CHD5: variants seen among roughly 807,000 people sequenced by gnomAD.
CHD5 encodes ATP-dependent chromatin remodeler CHD5.
A neutral mutation model predicts 230.3 loss-of-function variants in CHD5; 69 were observed. That is an observed-to-expected ratio of 0.30 (90% CI 0.25 to 0.37). The LOEUF is 0.37. CHD5 is among the 10% of genes least tolerant of loss of function. The pLI is 1.00. For synonymous variants in CHD5, 1,064 were observed against 1,065.9 expected, an observed-to-expected ratio of 1.00 and a Z score of 0.03; for missense variants, 1,827 against 2,622.8, an observed-to-expected ratio of 0.70 and a Z score of 6.63.
At chr1:6,158,814 C>T (rs1032116506) in intron 3 of CHD5, among the ~76,000 whole-genome samples, 4 of 151,340 alleles carry the variant, frequency 2.6e-5, no homozygotes, top group South Asian at 4.2e-4. Flanking sequence ...GAGACCATCC[C>T]GGCTAAAACG....
At chr1:6,118,074 C>A (rs1275360818) in intron 33 of CHD5, among the ~76,000 whole-genome samples, 1 of 152,042 alleles carries the variant, frequency 6.6e-6, no homozygotes, top group South Asian at 2.1e-4. Context: ...TAGATCCATA[C>A]AATGGAATAT....
chr1:6,135,687 G>A (rs1347694822), intron 17 of CHD5, among the ~76,000 whole-genome samples: 1 of 152,148 alleles, frequency 6.6e-6, no homozygotes. Context: ...ATGAGTGCCC[G>A]AGTTGATACA....
chr1:6,126,051 T>C lies in CHD5; in HGVS notation c.4079-193A>G, dbSNP rs1666551305. Among the ~76,000 whole-genome samples, 1 of 152,126 alleles carries C rather than the reference T, an allele frequency of 6.6e-6. No individual in the cohort carries two copies. Among genetic ancestry groups the C allele is most frequent in the Admixed American group, 6.6e-5 (1 of 15,266 alleles). ...ACCACGTTATACACTAAGGGTACCA[T>C]GTGTACCCACACATTACACATACTG... On this transcript the variant is annotated intron_variant, in intron 26 of 41. Transcript: ENST00000262450. The surrounding 1 kb of genome is among the most constrained non-coding windows in gnomAD (Gnocchi z 5.7).
At position 6,111,820 on chromosome 1, in the gene CHD5, A is replaced by C. The variant is rs775681121; in HGVS notation, c.5204T>G (p.Ile1735Ser). The C allele has an allele frequency of 2.5e-6, 4 of 1,613,536 alleles. No individual in the cohort carries two copies. The highest frequency in any genetic ancestry group is 2.7e-5 in the African/African-American group (2 of 75,030). The change falls in exon 36 of 42, where the codon ATC becomes AGC. Residue 1735 changes from isoleucine (I) to serine (S), a missense_variant. Physicochemically the swap from Ile to Ser is moderately radical, Grantham distance 142. Around this residue, in one of 14 missense-constraint regions of CHD5, gnomAD observed 272 missense variants for 263.2 expected, o/e 1.03. Transcript: ENST00000262450. ...AAVSSGKIYD[I>S]WHRRHDYWLL... ...CCAGTAGTCATGGCGCCGGTGCCAG[A>C]TGTCGTAGATTTTCCCAGAGGATAC... is the stretch of plus-strand genomic sequence containing the variant.
At chr1:6,166,212 C>T (rs142908204) in intron 2 of CHD5, among the ~76,000 whole-genome samples, 56 of 146,642 alleles carry the variant, frequency 3.8e-4, no homozygotes, top group Admixed American at 7.6e-4. Context: ...CACACAGTCA[C>T]ATGCACACAC....
At chr1:6,160,529 C>T (rs185918536) in intron 2 of CHD5, among the ~76,000 whole-genome samples, 249 of 152,252 alleles carry the variant, frequency 1.6e-3, no homozygotes, top group Middle Eastern at 0.01. Flanking sequence ...AGGGAAGGGC[C>T]GCTGCATCTC....
chr1:6,164,196 C>T (rs1300859932), intron 2 of CHD5, among the ~76,000 whole-genome samples: 2 of 152,254 alleles, frequency 1.3e-5, no homozygotes, highest in Non-Finnish European at 2.9e-5. Context: ...ATGCTCCGCA[C>T]ACGCACCGCA....
rs376935395 is a variant in CHD5 at position 6,132,937 on chromosome 1, C to T, written c.3145-1189G>A. ...AGAGACAGGGTCTTGCTCTGTCACT[C>T]AGACTGGAGTGAAGTGACAAGATCA... is the stretch of plus-strand genomic sequence containing the variant. On this transcript the variant is annotated intron_variant, in intron 20 of 41. Transcript: ENST00000262450. Among the ~76,000 whole-genome samples, 12 of 151,832 alleles carry T rather than the reference C, an allele frequency of 7.9e-5. 1 individual carries two copies. In the East Asian group the frequency reaches 1.9e-3, roughly 25 times the overall value.
At chr1:6,144,707 G>T (rs1666882793) in intron 11 of CHD5, among the ~76,000 whole-genome samples, 1 of 152,192 alleles carries the variant, frequency 6.6e-6, no homozygotes, top group Non-Finnish European at 1.5e-5. Flanking sequence ...CACTGGGAGG[G>T]TCTTTAGGGC....
Position 6,168,199 on chromosome 1 carries a change from G to A in CHD5, c.158C>T (p.Pro53Leu), listed in dbSNP as rs867679567. ...ACACTTGTTTTCCTTGAGCTTCTTG[G>A]GTTTCTTCTTCTTAGGAAGGCTCAC... ...EPVSLPKKKK[P>L]KKLKENKCKG... The change falls in exon 2 of 42, where the codon CCC (proline) becomes CTC (leucine). Residue 53 changes from proline to leucine, a missense_variant. Around this residue, in one of 14 missense-constraint regions of CHD5, gnomAD observed 113 missense variants for 91.9 expected, o/e 1.23. Transcript: ENST00000262450. 2.5e-6 allele frequency: 4 copies of A among 1,612,160 alleles called. No homozygotes were observed. Among genetic ancestry groups the A allele is most frequent in the Admixed American group, 1.7e-5 (1 of 59,932 alleles).
At chr1:6,175,367 C>CAG in intron 1 of CHD5, among the ~76,000 whole-genome samples, 1 of 87,298 alleles carries the variant, frequency 1.1e-5, no homozygotes, top group East Asian at 4.7e-4. Context: ...TGGATGGATG[C>CAG]ATGGATGGAT....
rs368038480 is a variant in CHD5, at chr1:6,144,127, G to A, written c.1831C>T (p.Leu611=). ...SFDKKGDVHY[L]IKWKDLPYDQ... is the part of the protein sequence containing the mutation. Reference sequence around the variant, plus strand: ...TAGGGCAGGTCTTTCCACTTGATCAGGTAGTGCACATCCCCCTTCTTGTCA... The same window carrying A: ...TAGGGCAGGTCTTTCCACTTGATCAAGTAGTGCACATCCCCCTTCTTGTCA... Residue 611 remains leucine (L), a synonymous_variant, in exon 12 of 42, where the codon CTG becomes TTG. Transcript: ENST00000262450. 29 of 1,614,068 alleles carry A rather than the reference G, an allele frequency of 1.8e-5. No individual in the cohort carries two copies. The highest frequency in any genetic ancestry group is 2.5e-5 in the Non-Finnish European group (29 of 1,180,038).
In CHD5 at chr1:6,111,709, G is replaced by A. The variant is rs369897464; in HGVS notation, c.5249+66C>T. 24 of 1,274,414 alleles carry A rather than the reference G, an allele frequency of 1.9e-5. No homozygotes were observed. The East Asian group carries it at 4.9e-4, about 26-fold the overall frequency. The allele number at this position is 1,274,414 out of a possible 1,614,324, so 78.9% of individuals were successfully genotyped here. ...GAAGGCTTCCCCCGGAGCTCTCAGAGGGCTCTCCCCGAGGTCCACGGAGGA... is the reference window on the plus strand; with the variant it reads ...GAAGGCTTCCCCCGGAGCTCTCAGAAGGCTCTCCCCGAGGTCCACGGAGGA... On this transcript the variant is annotated intron_variant, in intron 36 of 41. Transcript: ENST00000262450.
At chr1:6,112,058 T>C (rs1037480234) in intron 35 of CHD5, 82 bp downstream of exon 35, 2 of 1,509,648 alleles carry the variant, frequency 1.3e-6, no homozygotes, top group Non-Finnish European at 1.8e-6. Flanking sequence ...CACACTCTAG[T>C]ATAAAGTTAA....
In CHD5 at chr1:6,155,688, G is replaced by A. The variant is rs373063733; in HGVS notation, c.417C>T (p.Ala139=). ...AGTCCACGTCGTCCAGGCCCCACTC[G>A]GCCATGAGCTGCCCCGAGGACTTGG... The part of the protein sequence containing the change: ...KEPKSSGQLM[A]EWGLDDVDYL... Residue 139 remains alanine, a synonymous_variant, in exon 4 of 42, where the codon GCC becomes GCT. Transcript: ENST00000262450. The surrounding 1 kb of genome is among the most constrained non-coding windows in gnomAD (Gnocchi z 4.0). 3.2e-5 allele frequency: 51 copies of A among 1,613,794 alleles called. 2 individuals carry two copies. In the Middle Eastern group the frequency reaches 4.9e-4, roughly 16 times the overall value.
intron 33 of CHD5, among the ~76,000 whole-genome samples, chr1:6,116,791 A>G (rs1666384452): frequency 6.6e-6 from 1 of 152,288 alleles, no homozygotes; most frequent in Admixed American, 6.5e-5. Flanking sequence ...AAGCACCATT[A>G]AAGGTGTACT....
chr1:6,145,358 C>T (rs1666894413), intron 11 of CHD5, among the ~76,000 whole-genome samples: 2 of 152,218 alleles, frequency 1.3e-5, no homozygotes, highest in East Asian at 1.9e-4. Flanking sequence ...CAGAGGCCAC[C>T]GATCCTAAGC....
In CHD5 at chr1:6,121,025, AGCCACCTGCCCTTCTCTGAACCC is replaced by A; in HGVS notation, c.4912+57_4912+79del. 1 of 1,425,866 alleles carries A rather than the reference AGCCACCTGCCCTTCTCTGAACCC, an allele frequency of 7.0e-7. No homozygotes were observed. The allele number at this position is 1,425,866 out of a possible 1,614,324, so 88.3% of individuals were successfully genotyped here. ...GCCAGGGAGAAATGAGCGGAAGTAC[AGCCACCTGCCCTTCTCTGAACCC>A]AGGCCTGCTGAGGCCAGACATGGCA... is the stretch of plus-strand genomic sequence containing the variant. On this transcript the variant is annotated intron_variant, in intron 33 of 41. Coordinates refer to ENST00000262450, the MANE Select transcript of CHD5 (RefSeq NM_015557.3). This position sits in a 1 kb window ranked among gnomAD's most constrained non-coding sequence, Gnocchi z 4.5.
Position 6,125,943 on chromosome 1 carries a change from G to A in CHD5, c.4079-85C>T, listed in dbSNP as rs953468243. On this transcript the variant is annotated intron_variant, in intron 26 of 41. Transcript: ENST00000262450. The surrounding 1 kb of genome is among the most constrained non-coding windows in gnomAD (Gnocchi z 6.7). The stretch of plus-strand genomic sequence containing the variant: ...GTTCAAGCATGCCCAGGGCCACGCC[G>A]AGCCCCTGCACCCCAGCTCCATAAA... 25 of 962,900 alleles carry A rather than the reference G, an allele frequency of 2.6e-5. No homozygotes were observed. Among genetic ancestry groups the A allele is most frequent in the Middle Eastern group, 2.1e-4 (1 of 4,706 alleles). 59.6% of individuals were successfully genotyped at this position (962,900 alleles called of 1,614,324 possible). A position where few individuals can be genotyped will look rare whatever the true frequency, so the allele number is the denominator to read the frequency against.
Sources: gnomAD v4.1 joint callset for allele counts (sites outside exome capture counted in the v4.1 genomes callset) on GRCh38, gnomAD v4.1.1 for gene constraint, gnomAD v4.1.1 regional missense constraint, Gnocchi (gnomAD v3.1) non-coding constraint, MANE v1.5 for transcripts, NCBI Gene and HGNC (gene_info 2026-07-23, HGNC 2026-07-21) for gene names.